SENP5: variants seen among roughly 807,000 people sequenced by gnomAD.
SENP5 encodes the protein SUMO specific peptidase 5, also known as sentrin-specific protease 5.
Under a neutral mutation model 74.2 loss-of-function variants are expected in SENP5, and 21 were observed. That is an observed-to-expected ratio of 0.28 (90% CI 0.20 to 0.41). SENP5 has a LOEUF of 0.41. SENP5 is among the 10% of genes least tolerant of loss of function. The pLI is 1.00. For synonymous variants in SENP5, 311 were observed against 312.7 expected, an observed-to-expected ratio of 0.99 and a Z score of 0.06; for missense variants, 717 against 889.1, an observed-to-expected ratio of 0.81 and a Z score of 2.46.
chr3:196,916,249 C>A (rs1040652535), intron 6 of SENP5, among the ~76,000 whole-genome samples: 14 of 151,976 alleles, frequency 9.2e-5, no homozygotes, highest in Admixed American at 4.6e-4. Flanking sequence ...ATTGCTTAAA[C>A]TTGAGAGGTG....
At chr3:196,884,753 A>C (rs1276709131) in intron 1 of SENP5, among the ~76,000 whole-genome samples, 1 of 150,354 alleles carries the variant, frequency 6.7e-6, no homozygotes, top group East Asian at 2.0e-4. Context: ...GCTCAGTGCA[A>C]CCTCCACCTC....
At chr3:196,915,018 A>G (rs1715314354) in intron 6 of SENP5, among the ~76,000 whole-genome samples, 1 of 152,218 alleles carries the variant, frequency 6.6e-6, no homozygotes, top group Non-Finnish European at 1.5e-5. Context: ...GAATTCTGCC[A>G]GCACCCATGG....
At chr3:196,899,113 T>C (rs1477288343) in intron 2 of SENP5, among the ~76,000 whole-genome samples, 2 of 151,550 alleles carry the variant, frequency 1.3e-5, no homozygotes, top group Admixed American at 6.6e-5. Flanking sequence ...CACTAGCTGT[T>C]ATCCAGTTGA....
chr3:196,895,170 A>G (rs962471144), intron 2 of SENP5, among the ~76,000 whole-genome samples: 10 of 150,834 alleles, frequency 6.6e-5, no homozygotes, highest in Non-Finnish European at 1.5e-5. Flanking sequence ...TTAGTTTAAC[A>G]TGATGGCTAC....
intron 1 of SENP5, among the ~76,000 whole-genome samples, chr3:196,875,175 A>G (rs894235005): frequency 3.3e-5 from 5 of 152,216 alleles, no homozygotes; most frequent in African/African-American, 9.6e-5. Flanking sequence ...CAGTGATACC[A>G]CTATCTACCT....
chr3:196,897,190 G>T (rs1714476156), intron 2 of SENP5, among the ~76,000 whole-genome samples: 2 of 152,126 alleles, frequency 1.3e-5, no homozygotes, highest in African/African-American at 4.8e-5. Flanking sequence ...GTTGTTAGGG[G>T]TATTATTTTA....
intron 1 of SENP5, among the ~76,000 whole-genome samples, chr3:196,874,404 A>C (rs1018906035): frequency 2.0e-5 from 3 of 151,638 alleles, no homozygotes; most frequent in South Asian, 2.1e-4. Flanking sequence ...TTCTCCTGCA[A>C]ATGTCAAGAG....
chr3:196,934,065 T>C lies in SENP5; in HGVS notation c.*3142T>C, dbSNP rs940036325. On this transcript the variant is annotated 3_prime_UTR_variant, in exon 10 of 10. Coordinates refer to ENST00000323460, the MANE Select transcript of SENP5 (RefSeq NM_152699.5). ...TTTATTAAATCTATAGCAGTGAATA[T>C]AGATTTGATTCAACTTTTAGTTACG... The C allele has an allele frequency of 2.6e-5, 4 of 152,214 alleles. No homozygotes were observed. The highest frequency in any genetic ancestry group is 2.0e-4 in the Admixed American group (3 of 15,268). 9.4% of individuals were successfully genotyped at this position (152,214 alleles called of 1,614,324 possible). A position where few individuals can be genotyped will look rare whatever the true frequency, so the allele number is the denominator to read the frequency against.
intron 6 of SENP5, among the ~76,000 whole-genome samples, chr3:196,908,099 AGCGAGACCCCG>A (rs1714980095): frequency 6.6e-6 from 1 of 152,080 alleles, no homozygotes; most frequent in African/African-American, 2.4e-5. Flanking sequence ...TAGGCAACCA[AGCGAGACCCCG>A]TTTCTATAAA....
intron 7 of SENP5, among the ~76,000 whole-genome samples, chr3:196,926,278 T>G (rs1715807401): frequency 6.6e-6 from 1 of 151,898 alleles, no homozygotes; most frequent in African/African-American, 2.4e-5. Context: ...GGTCAAGAGA[T>G]AGAGACCAGC....
intron 2 of SENP5, among the ~76,000 whole-genome samples, chr3:196,891,395 A>T (rs1336875191): frequency 1.3e-5 from 2 of 151,996 alleles, no homozygotes; most frequent in Non-Finnish European, 2.9e-5. Context: ...TGAATATATT[A>T]AAAAACAGTG....
At chr3:196,874,591 C>A (rs147885850) in intron 1 of SENP5, among the ~76,000 whole-genome samples, 3 of 151,900 alleles carry the variant, frequency 2.0e-5, no homozygotes, top group Non-Finnish European at 4.4e-5. Context: ...TTCTTTATTT[C>A]TTAAATCCTG....
chr3:196,869,120 C>T (rs1713085348), intron 1 of SENP5, among the ~76,000 whole-genome samples: 1 of 151,548 alleles, frequency 6.6e-6, no homozygotes, highest in African/African-American at 2.4e-5. Flanking sequence ...TAGCTTTTTC[C>T]CAGTGCATCT....
At chr3:196,919,697 G>A (rs778559611) in intron 6 of SENP5, among the ~76,000 whole-genome samples, 107 of 152,076 alleles carry the variant, frequency 7.0e-4, no homozygotes, top group Middle Eastern at 3.4e-3. Context: ...GGAGGCTGAG[G>A]CAGGAAAATC....
At chr3:196,930,001 A>AC (rs1386553544) in intron 9 of SENP5, among the ~76,000 whole-genome samples, 1 of 152,226 alleles carries the variant, frequency 6.6e-6, no homozygotes, top group East Asian at 1.9e-4. Context: ...AAAAAAAAAA[A>AC]AAAAACATTG....
intron 6 of SENP5, chr3:196,914,586 A>AATATATATATATATAT (rs55692471): frequency 4.5e-4 from 15 of 33,490 alleles, no homozygotes; most frequent in Middle Eastern, 0.018. Context: ...AAAAAAAAAA[A>AATATATATATATATAT]ATATATATAT....
chr3:196,917,683 G>A (rs1159242775), intron 6 of SENP5, among the ~76,000 whole-genome samples: 2 of 152,166 alleles, frequency 1.3e-5, no homozygotes, highest in Non-Finnish European at 2.9e-5. Flanking sequence ...GGAAAAAAAC[G>A]TTTATCCTAG....
intron 7 of SENP5, among the ~76,000 whole-genome samples, chr3:196,924,002 A>G (rs1715721344): frequency 6.6e-6 from 1 of 152,228 alleles, no homozygotes; most frequent in Non-Finnish European, 1.5e-5. Flanking sequence ...ACCAAGAACC[A>G]GTAAGAAAAT....
chr3:196,907,496 T>G (rs1020972556), intron 6 of SENP5, among the ~76,000 whole-genome samples: 2 of 151,716 alleles, frequency 1.3e-5, no homozygotes, highest in African/African-American at 4.8e-5. Flanking sequence ...TATATTCCAT[T>G]TGGGGTGGGA....
Sources: allele counts gnomAD v4.1 joint callset (sites outside exome capture counted in the v4.1 genomes callset), GRCh38; gene constraint gnomAD v4.1.1; transcripts MANE v1.5; gene names NCBI Gene and HGNC (gene_info 2026-07-23, HGNC 2026-07-21).